Variants in ITFG1 observed in about 807,000 individuals in gnomAD.
ITFG1 encodes integrin alpha FG-GAP repeat containing 1.
ITFG1 carries 34 observed loss-of-function variants against 81.8 expected under a neutral mutation model. That is an observed-to-expected ratio of 0.42 (90% CI 0.32 to 0.55). The LOEUF is 0.55. Among genes scored for constraint, ITFG1 ranks in the 20% least tolerant of loss-of-function variants. ITFG1 has a pLI of 0.17. For missense variants in ITFG1, 672 were observed against 755.4 expected (o/e 0.89, Z 1.29); for synonymous variants, 285 against 270.6 (o/e 1.05, Z -0.52).
chr16:47,389,175 T>C (rs566331238), intron 6 of ITFG1, among the ~76,000 whole-genome samples: 5 of 152,066 alleles, frequency 3.3e-5, no homozygotes, highest in Non-Finnish European at 7.4e-5. Context: ...AACAACCTTA[T>C]AAAAAATACT....
intron 8 of ITFG1, among the ~76,000 whole-genome samples, chr16:47,325,887 C>T (rs1967531361): frequency 6.6e-6 from 1 of 152,242 alleles, no homozygotes; most frequent in Non-Finnish European, 1.5e-5. Flanking sequence ...CCAAATTCTA[C>T]CTGAGGTACA....
intron 8 of ITFG1, among the ~76,000 whole-genome samples, chr16:47,315,570 A>G (rs997500881): frequency 6.6e-6 from 1 of 152,128 alleles, no homozygotes; most frequent in Non-Finnish European, 1.5e-5. Context: ...GTAGTTTCAT[A>G]TATCTCATGC....
At chr16:47,340,187 C>T (rs1268868332) in intron 8 of ITFG1, among the ~76,000 whole-genome samples, 1 of 151,702 alleles carries the variant, frequency 6.6e-6, no homozygotes, top group Non-Finnish European at 1.5e-5. Flanking sequence ...ACTATCAGAC[C>T]TGCTATATGA....
At chr16:47,360,020 T>C (rs779207547) in intron 8 of ITFG1, among the ~76,000 whole-genome samples, 2 of 152,322 alleles carry the variant, frequency 1.3e-5, no homozygotes, top group African/African-American at 4.8e-5. Flanking sequence ...GTCCAAATAG[T>C]AGGAACTCTA....
At chr16:47,284,605 T>G (rs1026708988) in intron 10 of ITFG1, among the ~76,000 whole-genome samples, 4 of 152,168 alleles carry the variant, frequency 2.6e-5, no homozygotes, top group Non-Finnish European at 4.4e-5. Flanking sequence ...TAGCTACCTG[T>G]CAGATTAATG....
intron 14 of ITFG1, among the ~76,000 whole-genome samples, chr16:47,209,022 GA>G (rs1965533658): frequency 6.6e-6 from 1 of 152,030 alleles, no homozygotes; most frequent in Admixed American, 6.6e-5. Context: ...TAAGAAGGGG[GA>G]AAACATAAGG....
chr16:47,375,698 G>A (rs2302683), intron 7 of ITFG1, among the ~76,000 whole-genome samples, 178 bp downstream of exon 7: 1 of 152,212 alleles, frequency 6.6e-6, no homozygotes, highest in Admixed American at 6.5e-5. Flanking sequence ...GATGCTGAAT[G>A]AATCACTTCC....
At chr16:47,182,010 C>T (rs1257889456) in intron 14 of ITFG1, among the ~76,000 whole-genome samples, 11 of 152,118 alleles carry the variant, frequency 7.2e-5, no homozygotes, top group African/African-American at 9.6e-5. Flanking sequence ...CATCACCACT[C>T]CCTAATCTCA....
At chr16:47,336,680 G>T (rs1308681498) in intron 8 of ITFG1, among the ~76,000 whole-genome samples, 1 of 152,162 alleles carries the variant, frequency 6.6e-6, no homozygotes, top group Non-Finnish European at 1.5e-5. Flanking sequence ...TAAGAAATTA[G>T]GGGTCGGGCA....
chr16:47,420,860 T>C (rs1968936947), intron 6 of ITFG1, among the ~76,000 whole-genome samples: 2 of 152,182 alleles, frequency 1.3e-5, no homozygotes. Context: ...CACTCCTTTA[T>C]AGCAACACAA....
At chr16:47,201,210 T>TC (rs1348648734) in intron 14 of ITFG1, among the ~76,000 whole-genome samples, 3 of 150,036 alleles carry the variant, frequency 2.0e-5, no homozygotes, top group African/African-American at 7.3e-5. Flanking sequence ...TAGGAGAATT[T>TC]TTTTTTTTTT....
Position 47,176,953 on chromosome 16 carries a change from C to T in ITFG1, c.1454-14289G>A, listed in dbSNP as rs369526876. On this transcript the variant is annotated intron_variant, in intron 14 of 17. Transcript: ENST00000320640. Reference sequence around the variant, plus strand: ...AGGGTTTCTCATACATCTTCTTCTTCTTTTTTTTTTTTTTTTTTAAACAGA... The same window carrying T: ...AGGGTTTCTCATACATCTTCTTCTTTTTTTTTTTTTTTTTTTTTAAACAGA... 7.3e-3 allele frequency among the ~76,000 whole-genome samples: 993 copies of T among 135,178 alleles called. 13 individuals are homozygous for T. The highest frequency in any genetic ancestry group is 0.025 in the African/African-American group (936 of 37,274). The allele number at this position is 135,178 out of a possible 152,430, so 88.7% of individuals were successfully genotyped here.
chr16:47,437,543 G>A (rs374028429), intron 5 of ITFG1, among the ~76,000 whole-genome samples: 17 of 152,000 alleles, frequency 1.1e-4, no homozygotes, highest in South Asian at 2.1e-4. Context: ...TGTCCAAGGT[G>A]TAAAAAAAGG....
At chr16:47,287,358 C>A (rs532960987) in intron 10 of ITFG1, among the ~76,000 whole-genome samples, 1 of 152,036 alleles carries the variant, frequency 6.6e-6, no homozygotes, top group Non-Finnish European at 1.5e-5. Flanking sequence ...GGATTACAAG[C>A]GTGAGCCACC....
At chr16:47,245,175 C>T (rs954533704) in intron 12 of ITFG1, among the ~76,000 whole-genome samples, 9 of 151,910 alleles carry the variant, frequency 5.9e-5, no homozygotes, top group Non-Finnish European at 1.2e-4. Context: ...GGTGAAACCC[C>T]GTCTCTACTA....
At chr16:47,307,598 A>C (rs962604691) in intron 10 of ITFG1, among the ~76,000 whole-genome samples, 1 of 152,216 alleles carries the variant, frequency 6.6e-6, no homozygotes, top group Non-Finnish European at 1.5e-5. Flanking sequence ...ACACAGAATG[A>C]GTTTACATCC....
intron 6 of ITFG1, among the ~76,000 whole-genome samples, chr16:47,405,860 C>G (rs1206187877): frequency 1.3e-5 from 2 of 152,034 alleles, no homozygotes; most frequent in Admixed American, 1.3e-4. Context: ...GGGGTACTTT[C>G]CTGGATTAAG....
In ITFG1 at chr16:47,226,681, C is replaced by G. The variant is rs141839119; in HGVS notation, c.1375-7735G>C. Reference sequence around the variant, plus strand: ...AATGATGGTTTCTATTAAAACACTCCCTTTTCTATTACATAGTTATGTGAG... The same window carrying G: ...AATGATGGTTTCTATTAAAACACTCGCTTTTCTATTACATAGTTATGTGAG... On this transcript the variant is annotated intron_variant, in intron 13 of 17. Transcript: ENST00000320640. Among the ~76,000 whole-genome samples, 381 of 151,832 alleles carry G rather than the reference C, an allele frequency of 2.5e-3. 4 individuals are homozygous for G. Among genetic ancestry groups the G allele is most frequent in the Admixed American group, 4.3e-3 (66 of 15,242 alleles).
intron 8 of ITFG1, among the ~76,000 whole-genome samples, chr16:47,339,212 C>A (rs1172968726): frequency 6.6e-6 from 1 of 152,190 alleles, no homozygotes; most frequent in Non-Finnish European, 1.5e-5. Context: ...TGTTGATGGA[C>A]TTCCATATCT....
Sources: gnomAD v4.1 joint callset for allele counts (sites outside exome capture counted in the v4.1 genomes callset) on GRCh38, gnomAD v4.1.1 for gene constraint, MANE v1.5 for transcripts, NCBI Gene and HGNC (gene_info 2026-07-23, HGNC 2026-07-21) for gene names.